BBX: variants seen among roughly 807,000 people sequenced by gnomAD.
BBX encodes the protein HMG box transcription factor BBX.
In BBX, 30 loss-of-function variants were observed where a neutral mutation model predicts 100.2. The ratio of observed to expected loss-of-function variants is 0.30; its 90% CI spans 0.22 to 0.41. BBX has a LOEUF of 0.41. Ranked by LOEUF, BBX falls within the 10% of genes least tolerant of loss-of-function variation. BBX has a pLI of 1.00. For synonymous variants in BBX, 376 were observed against 388.1 expected, an observed-to-expected ratio of 0.97 and a Z score of 0.37; for missense variants, 1,023 against 1,129.8, an observed-to-expected ratio of 0.91 and a Z score of 1.35.
At chr3:107,550,427 C>T (rs1425938608) in intron 2 of BBX, among the ~76,000 whole-genome samples, 1 of 152,096 alleles carries the variant, frequency 6.6e-6, no homozygotes, top group Non-Finnish European at 1.5e-5. Context: ...GGCACATCCC[C>T]CTGAGCGTGG....
Position 107,810,813 on chromosome 3 carries a change from G to A in BBX, c.*5356G>A, listed in dbSNP as rs888381316. 6.6e-6 allele frequency: 1 copy of A among 152,148 alleles called. No individual in the cohort carries two copies. The highest frequency in any genetic ancestry group is 2.4e-5 in the African/African-American group (1 of 41,422). The allele number at this position is 152,148 out of a possible 1,614,324, so 9.4% of individuals were successfully genotyped here. A position where few individuals can be genotyped will look rare whatever the true frequency, so the allele number is the denominator to read the frequency against. On this transcript the variant is annotated 3_prime_UTR_variant, in exon 18 of 18. Coordinates refer to ENST00000325805, the MANE Select transcript of BBX (RefSeq NM_001142568.3). ...TACCAGATTATAAACTCTTCTCGTA[G>A]GTTTGAATTGCTTACTCACATGTCA...
At position 107,548,882 on chromosome 3, in the gene BBX, C is replaced by T. The variant is rs569723836; in HGVS notation, c.-84+22484C>T. ...GAGACCATCATCCTAAGCAAATTAACGTAAGAACAGAAAACCAAATACCAC... is the reference window on the plus strand; with the variant it reads ...GAGACCATCATCCTAAGCAAATTAATGTAAGAACAGAAAACCAAATACCAC... On this transcript the variant is annotated intron_variant, in intron 2 of 17. Coordinates refer to ENST00000325805, the MANE Select transcript of BBX (RefSeq NM_001142568.3). 3.9e-5 allele frequency among the ~76,000 whole-genome samples: 6 copies of T among 152,238 alleles called. No individual in the cohort carries two copies. The South Asian group carries it at 6.2e-4, about 16-fold the overall frequency.
intron 2 of BBX, among the ~76,000 whole-genome samples, chr3:107,644,413 ATTTAC>A (rs1400262324): frequency 6.6e-6 from 1 of 152,046 alleles, no homozygotes; most frequent in East Asian, 1.9e-4. Context: ...ATTTACAGTT[ATTTAC>A]TTCATGATAT....
rs563669504 is a variant in BBX, at chr3:107,655,590, C to T, written c.-10+9681C>T. ...CTGGAGTGCAGTAGTTTCATCAGAG[C>T]TCACTACAGACTTGAACTACTGGGC... On this transcript the variant is annotated intron_variant, in intron 3 of 17. Transcript: ENST00000325805. 1.3e-4 allele frequency among the ~76,000 whole-genome samples: 19 copies of T among 147,910 alleles called. No individual in the cohort carries two copies. The East Asian group carries it at 3.8e-3, about 29-fold the overall frequency.
chr3:107,789,931 C>A, intron 14 of BBX, 55 bp downstream of exon 14: 1 of 1,360,508 alleles, frequency 7.4e-7, no homozygotes, highest in Non-Finnish European at 1.0e-6. Context: ...CATTGTGATT[C>A]ATCTTTGAGT....
chr3:107,666,063 T>C (rs2058725524), intron 3 of BBX, among the ~76,000 whole-genome samples: 1 of 152,218 alleles, frequency 6.6e-6, no homozygotes, highest in African/African-American at 2.4e-5. Flanking sequence ...TGACTCCAGA[T>C]TCTCACGTGA....
intron 7 of BBX, among the ~76,000 whole-genome samples, chr3:107,737,884 GTTTTTTTTTTTTTTTTTTT>G (rs1156396951): frequency 2.0e-5 from 1 of 48,886 alleles, no homozygotes; most frequent in East Asian, 1.0e-3. Context: ...CAGAGTTCCA[GTTTTTTTTTTTTTTTTTTT>G]TTTTTTTTTT....
At chr3:107,559,020 G>A (rs1267200612) in intron 2 of BBX, among the ~76,000 whole-genome samples, 1 of 152,184 alleles carries the variant, frequency 6.6e-6, no homozygotes, top group African/African-American at 2.4e-5. Flanking sequence ...AATAGCCTGA[G>A]AAAAGGCATA....
At chr3:107,580,033 G>A (rs1471169359) in intron 2 of BBX, among the ~76,000 whole-genome samples, 1 of 151,946 alleles carries the variant, frequency 6.6e-6, no homozygotes, top group Non-Finnish European at 1.5e-5. Flanking sequence ...TTGTACTTGA[G>A]AAGCTCATTG....
At chr3:107,795,344 G>A (rs943567898) in intron 15 of BBX, among the ~76,000 whole-genome samples, 2 of 152,124 alleles carry the variant, frequency 1.3e-5, no homozygotes, top group Non-Finnish European at 2.9e-5. Context: ...TAGGGGAAGG[G>A]TCTCCCTGAG....
At chr3:107,662,114 A>G (rs1318133040) in intron 3 of BBX, among the ~76,000 whole-genome samples, 3 of 152,240 alleles carry the variant, frequency 2.0e-5, no homozygotes, top group Non-Finnish European at 4.4e-5. Context: ...ACAATGACAA[A>G]TTAAAAAGCT....
intron 16 of BBX, among the ~76,000 whole-genome samples, chr3:107,800,293 A>G (rs1233900842): frequency 2.0e-5 from 3 of 152,204 alleles, no homozygotes; most frequent in Admixed American, 6.5e-5. Flanking sequence ...GTAGATTGTT[A>G]CATCCACATT....
At chr3:107,617,227 T>C (rs2055360557) in intron 2 of BBX, among the ~76,000 whole-genome samples, 1 of 152,204 alleles carries the variant, frequency 6.6e-6, no homozygotes, top group African/African-American at 2.4e-5. Context: ...ATGGGTTCTC[T>C]ATGCTGTTCC....
intron 2 of BBX, among the ~76,000 whole-genome samples, chr3:107,535,669 T>C (rs2048445118): frequency 6.6e-6 from 1 of 151,494 alleles, no homozygotes; most frequent in African/African-American, 2.4e-5. Flanking sequence ...CTCTGCTCAC[T>C]GCAACCTCTG....
At chr3:107,763,286 G>A (rs184656864) in intron 10 of BBX, among the ~76,000 whole-genome samples, 79 of 150,222 alleles carry the variant, frequency 5.3e-4, no homozygotes, top group South Asian at 1.3e-3. Flanking sequence ...GTGCGGTGGC[G>A]CGATCTCGGC....
chr3:107,697,509 GGGGGTCA>G (rs2060708276), intron 3 of BBX, among the ~76,000 whole-genome samples: 1 of 151,674 alleles, frequency 6.6e-6, no homozygotes, highest in African/African-American at 2.4e-5. Context: ...TAGGCTGCTC[GGGGGTCA>G]GGGGTCAGGG....
intron 2 of BBX, among the ~76,000 whole-genome samples, chr3:107,605,960 G>T (rs1415230539): frequency 6.6e-6 from 1 of 152,108 alleles, no homozygotes; most frequent in Non-Finnish European, 1.5e-5. Context: ...GTTGAAAATG[G>T]AACAGATTTT....
rs2071270108 is a variant in BBX at position 107,811,210 on chromosome 3, A to G, written c.*5753A>G. On this transcript the variant is annotated 3_prime_UTR_variant, in exon 18 of 18. Coordinates refer to ENST00000325805, the MANE Select transcript of BBX (RefSeq NM_001142568.3). ...AACTTTGAAATATTTTAAAGATATT[A>G]TTCAAATATATTTCTTTATGTTCAC... The G allele has an allele frequency of 6.6e-6, 1 of 152,246 alleles. No homozygotes were observed. Among genetic ancestry groups the G allele is most frequent in the African/African-American group, 2.4e-5 (1 of 41,470 alleles). The allele number at this position is 152,246 out of a possible 1,614,324, so 9.4% of individuals were successfully genotyped here.
intron 17 of BBX, 61 bp downstream of exon 17, chr3:107,801,342 GA>G: frequency 2.6e-6 from 4 of 1,548,394 alleles, no homozygotes; most frequent in Non-Finnish European, 3.5e-6. Context: ...TCTTTGATGT[GA>G]TTTGTGACAT....
Sources: gnomAD v4.1 joint callset for allele counts (sites outside exome capture counted in the v4.1 genomes callset) on GRCh38, gnomAD v4.1.1 for gene constraint, MANE v1.5 for transcripts, NCBI Gene and HGNC (gene_info 2026-07-23, HGNC 2026-07-21) for gene names.